RPTOR: variants seen among roughly 807,000 people sequenced by gnomAD.
RPTOR encodes the protein regulatory associated protein of MTOR complex 1.
A neutral mutation model predicts 169.9 loss-of-function variants in RPTOR; 21 were observed. That is an observed-to-expected ratio of 0.12 (90% CI 0.09 to 0.18). The LOEUF (loss-of-function observed/expected upper bound fraction) is 0.18, where lower values mean the gene tolerates loss of function less well. RPTOR is among the 10% of genes least tolerant of loss of function. The probability of loss-of-function intolerance (pLI) is 1.00; values close to 1 mark genes in which losing one functional copy is unlikely to be tolerated. For synonymous variants in RPTOR, 732 were observed against 753.2 expected, an observed-to-expected ratio of 0.97 and a Z score of 0.46; for missense variants, 1,133 against 1,855.9, an observed-to-expected ratio of 0.61 and a Z score of 7.16.
chr17:80,662,147 G>A lies in RPTOR; in HGVS notation c.348+18337G>A, dbSNP rs185844559. Among the ~76,000 whole-genome samples, 551 of 152,252 alleles carry A rather than the reference G, an allele frequency of 3.6e-3. 2 individuals are homozygous for A. Among genetic ancestry groups the A allele is most frequent in the Non-Finnish European group, 4.5e-3 (306 of 68,020 alleles). On this transcript the variant is annotated intron_variant, in intron 3 of 33. Coordinates refer to ENST00000306801, the MANE Select transcript of RPTOR (RefSeq NM_020761.3). The stretch of plus-strand genomic sequence containing the variant: ...TCCTGCTTAATCACACTCAAAGCAA[G>A]ATGGAGATCATTTCCACTCCCCAGA...
rs1292034083 is a variant in RPTOR at position 80,822,316 on chromosome 17, G to A, written c.991+15G>A. On this transcript the variant is annotated intron_variant, in intron 8 of 33. Coordinates refer to ENST00000306801, the MANE Select transcript of RPTOR (RefSeq NM_020761.3). ...GCTCCCCCGGGGTGAGGCGCGGGCC[G>A]GGCCTTGGGGAGGGAGGCTATGGCC... 7.4e-6 allele frequency: 12 copies of A among 1,612,406 alleles called. No individual in the cohort carries two copies. In the South Asian group the frequency reaches 7.7e-5, roughly 10 times the overall value.
At chr17:80,699,296 A>G (rs956011371) in intron 3 of RPTOR, among the ~76,000 whole-genome samples, 6 of 152,198 alleles carry the variant, frequency 3.9e-5, no homozygotes, top group Middle Eastern at 3.4e-3. Flanking sequence ...GGTAGAGTCC[A>G]GTACCCTGGT....
chr17:80,818,463 G>A (rs1202992529), intron 7 of RPTOR, among the ~76,000 whole-genome samples: 1 of 152,068 alleles, frequency 6.6e-6, no homozygotes, highest in African/African-American at 2.4e-5. Flanking sequence ...CTCCCGAGTT[G>A]GGCAAGACTC....
intron 4 of RPTOR, among the ~76,000 whole-genome samples, chr17:80,729,978 T>C (rs929074003): frequency 1.3e-5 from 2 of 152,020 alleles, no homozygotes; most frequent in African/African-American, 2.4e-5. Flanking sequence ...GTTTAAGGAG[T>C]TGACCAGCAG....
chr17:80,655,049 C>CT (rs1262768632), intron 3 of RPTOR, among the ~76,000 whole-genome samples: 1 of 152,234 alleles, frequency 6.6e-6, no homozygotes, highest in Admixed American at 6.5e-5. Flanking sequence ...TTATTGAAGA[C>CT]TTCTTTCTGT....
rs2067910985 is a variant in RPTOR at position 80,860,890 on chromosome 17, CT to C, written c.1509+2991del. ...TGCTTGCCATCTCTCCCAGCTGCTC[CT>C]GATTTCCTGAGCTGGATGCGGGGAG... On this transcript the variant is annotated intron_variant, in intron 13 of 33. Coordinates refer to ENST00000306801, the MANE Select transcript of RPTOR (RefSeq NM_020761.3). This position sits in a 1 kb window ranked among gnomAD's most constrained non-coding sequence, Gnocchi z 5.8. Among the ~76,000 whole-genome samples, 1 of 107,896 alleles carries C rather than the reference CT, an allele frequency of 9.3e-6. No homozygotes were observed. The allele number at this position is 107,896 out of a possible 152,430, so 70.8% of individuals were successfully genotyped here.
rs976280305 is a variant in RPTOR at position 80,936,414 on chromosome 17, C to T, written c.2920-4082C>T. Among the ~76,000 whole-genome samples, 3 of 152,178 alleles carry T rather than the reference C, an allele frequency of 2.0e-5. No individual in the cohort carries two copies. The highest frequency in any genetic ancestry group is 7.2e-5 in the African/African-American group (3 of 41,452). ...ACCTGTATGTGAATGTTTATAGTGA[C>T]TGTATTCATAGTCACCAAAAACTGG... On this transcript the variant is annotated intron_variant, in intron 24 of 33. Coordinates refer to ENST00000306801, the MANE Select transcript of RPTOR (RefSeq NM_020761.3). This position sits in a 1 kb window ranked among gnomAD's most constrained non-coding sequence, Gnocchi z 4.1.
At chr17:80,734,648 C>T (rs2066419949) in intron 5 of RPTOR, among the ~76,000 whole-genome samples, 1 of 152,148 alleles carries the variant, frequency 6.6e-6, no homozygotes, top group African/African-American at 2.4e-5. Context: ...TGCAATATGC[C>T]CACCACATCT....
intron 1 of RPTOR, among the ~76,000 whole-genome samples, chr17:80,615,584 A>G (rs1184988442): frequency 2.0e-5 from 3 of 152,094 alleles, no homozygotes; most frequent in Admixed American, 1.3e-4. Context: ...GCTGTGCAAG[A>G]CCTTTGATTC....
chr17:80,693,039 A>C (rs188457512), intron 3 of RPTOR, among the ~76,000 whole-genome samples: 3 of 152,218 alleles, frequency 2.0e-5, no homozygotes, highest in African/African-American at 7.2e-5. Context: ...TATGTTGTAC[A>C]TGGTTTCTTC....
intron 3 of RPTOR, among the ~76,000 whole-genome samples, chr17:80,678,755 C>T (rs1006181408): frequency 3.3e-5 from 5 of 152,114 alleles, no homozygotes; most frequent in Admixed American, 6.5e-5. Flanking sequence ...GTGGAAGGAG[C>T]GGCGCCCTGG....
At chr17:80,792,070 G>C (rs533514961) in intron 7 of RPTOR, among the ~76,000 whole-genome samples, 1 of 152,028 alleles carries the variant, frequency 6.6e-6, no homozygotes, top group Non-Finnish European at 1.5e-5. Flanking sequence ...TGTCCCTCGC[G>C]TGATCTTTTT....
intron 6 of RPTOR, among the ~76,000 whole-genome samples, chr17:80,758,269 A>G (rs1178155689): frequency 1.3e-5 from 2 of 152,182 alleles, no homozygotes; most frequent in Non-Finnish European, 2.9e-5. Context: ...ACAGAGAACC[A>G]TGGCTAAGGG....
At chr17:80,627,023 C>T (rs1382014353) in intron 2 of RPTOR, among the ~76,000 whole-genome samples, 4 of 152,086 alleles carry the variant, frequency 2.6e-5, no homozygotes, top group Non-Finnish European at 5.9e-5. Flanking sequence ...ATTCTAGGGA[C>T]CTCATATCAG....
At chr17:80,634,493 TG>T (rs2065478238) in intron 2 of RPTOR, among the ~76,000 whole-genome samples, 1 of 75,166 alleles carries the variant, frequency 1.3e-5, no homozygotes, top group Non-Finnish European at 2.7e-5. Flanking sequence ...GTGTGCATAC[TG>T]TGTGTGTGCA....
At chr17:80,899,601 G>GA (rs1428878579) in intron 20 of RPTOR, among the ~76,000 whole-genome samples, 1 of 152,228 alleles carries the variant, frequency 6.6e-6, no homozygotes, top group Non-Finnish European at 1.5e-5. Context: ...GTTAGAGCAG[G>GA]AGTCTGCAAA....
chr17:80,781,582 G>A (rs567839794), intron 6 of RPTOR, among the ~76,000 whole-genome samples: 3 of 152,232 alleles, frequency 2.0e-5, no homozygotes, highest in Admixed American at 6.5e-5. Context: ...GCTGTCTCGC[G>A]TGGGGCCTCT....
At chr17:80,589,157 T>C (rs2065085096) in intron 1 of RPTOR, among the ~76,000 whole-genome samples, 2 of 152,206 alleles carry the variant, frequency 1.3e-5, no homozygotes. Flanking sequence ...GCTTTGCATA[T>C]GGTATGAAGT....
chr17:80,799,394 A>G (rs1303928978), intron 7 of RPTOR, among the ~76,000 whole-genome samples: 1 of 152,220 alleles, frequency 6.6e-6, no homozygotes, highest in African/African-American at 2.4e-5. Flanking sequence ...GGGAGTCTGC[A>G]GTACCTGCGC....
Sources: allele counts gnomAD v4.1 joint callset (sites outside exome capture counted in the v4.1 genomes callset), GRCh38; gene constraint gnomAD v4.1.1; non-coding constraint Gnocchi (gnomAD v3.1); transcripts MANE v1.5; gene names NCBI Gene and HGNC (gene_info 2026-07-23, HGNC 2026-07-21).